EFR3A: variants seen among roughly 807,000 people sequenced by gnomAD.
EFR3A encodes EFR3 homolog A, also known as protein EFR3 homolog A.
Under a neutral mutation model 104.4 loss-of-function variants are expected in EFR3A, and 76 were observed. The observed-to-expected ratio is 0.73, with a 90% CI of 0.60 to 0.88. EFR3A has a LOEUF of 0.88. EFR3A is among the 40% of genes least tolerant of loss of function. EFR3A has a pLI of 0.00. For synonymous variants in EFR3A, 330 were observed against 330.0 expected (o/e 1.00, Z 0.00); for missense variants, 985 against 1,012.5 (o/e 0.97, Z 0.37).
At chr8:131,907,296 CTT>C (rs1816302411) in intron 1 of EFR3A, among the ~76,000 whole-genome samples, 1 of 152,200 alleles carries the variant, frequency 6.6e-6, no homozygotes, top group Admixed American at 6.5e-5. Flanking sequence ...TAGACACAAA[CTT>C]AAACTTTTAG....
At chr8:131,921,925 T>C (rs1817053193) in intron 1 of EFR3A, among the ~76,000 whole-genome samples, 1 of 152,190 alleles carries the variant, frequency 6.6e-6, no homozygotes, top group African/African-American at 2.4e-5. Context: ...ATTAGTTTTC[T>C]AGGGCTACCG....
rs767408900 is a variant in EFR3A, at chr8:132,011,537, G to C, written c.*642G>C. 65 of 632,700 alleles carry C rather than the reference G, an allele frequency of 1.0e-4. No homozygotes were observed. The highest frequency in any genetic ancestry group is 1.2e-4 in the Non-Finnish European group (60 of 507,644). The allele number at this position is 632,700 out of a possible 1,614,324, so 39.2% of individuals were successfully genotyped here. A position where few individuals can be genotyped will look rare whatever the true frequency, so the allele number is the denominator to read the frequency against. On this transcript the variant is annotated 3_prime_UTR_variant, in exon 23 of 23. Transcript: ENST00000254624. ...CCATACTTTAAATTGTCTGGTTCTTGTAATATTGTGTTTCCTGCCAAGAGT... is the reference window on the plus strand; with the variant it reads ...CCATACTTTAAATTGTCTGGTTCTTCTAATATTGTGTTTCCTGCCAAGAGT...
chr8:131,923,820 G>C (rs1817171766), intron 1 of EFR3A, among the ~76,000 whole-genome samples: 1 of 152,072 alleles, frequency 6.6e-6, no homozygotes, highest in African/African-American at 2.4e-5. Context: ...TGTCTCTTCA[G>C]CTTTCAGTAG....
chr8:131,914,755 C>G (rs1018019846), intron 1 of EFR3A, among the ~76,000 whole-genome samples: 1 of 152,092 alleles, frequency 6.6e-6, no homozygotes, highest in Non-Finnish European at 1.5e-5. Flanking sequence ...TTATTGCACC[C>G]AGGTACTAAG....
chr8:131,910,658 A>G (rs772322250), intron 1 of EFR3A, among the ~76,000 whole-genome samples: 30 of 152,196 alleles, frequency 2.0e-4, no homozygotes, highest in Non-Finnish European at 3.7e-4. Context: ...AAAAGGAGAG[A>G]CAGTCCTCTG....
chr8:131,957,900 A>T (rs1819096268), intron 7 of EFR3A, among the ~76,000 whole-genome samples: 1 of 152,168 alleles, frequency 6.6e-6, no homozygotes, highest in African/African-American at 2.4e-5. Flanking sequence ...TTACGGTGAG[A>T]TAAGAGGGAA....
intron 7 of EFR3A, among the ~76,000 whole-genome samples, chr8:131,957,836 A>G (rs1018704424): frequency 2.1e-4 from 32 of 152,252 alleles, no homozygotes; most frequent in African/African-American, 7.7e-4. Flanking sequence ...TTTAATCAAC[A>G]GTGAGCACAA....
intron 6 of EFR3A, 130 bp downstream of exon 6, chr8:131,954,097 A>C: frequency 1.1e-6 from 1 of 936,964 alleles, no homozygotes; most frequent in East Asian, 2.9e-5. Context: ...TGAGTTTAAA[A>C]ATATGTACCT....
chr8:131,908,760 C>G (rs571938268), intron 1 of EFR3A, among the ~76,000 whole-genome samples: 1 of 152,202 alleles, frequency 6.6e-6, no homozygotes, highest in Non-Finnish European at 1.5e-5. Context: ...CAGTTTTACA[C>G]TGTCACTTTT....
Position 131,979,327 on chromosome 8 carries a change from A to T in EFR3A, c.1500-19A>T. On this transcript the variant is annotated intron_variant, in intron 13 of 22. Transcript: ENST00000254624. ...ATAAGTGTGCTATTCATTAAAAATG[A>T]TATATTGATCGTCTCTAGAATAATA... 1 of 1,499,300 alleles carries T rather than the reference A, an allele frequency of 6.7e-7. No individual in the cohort carries two copies. Among genetic ancestry groups the T allele is most frequent in the Non-Finnish European group, 9.1e-7 (1 of 1,103,882 alleles). The allele number at this position is 1,499,300 out of a possible 1,614,324, so 92.9% of individuals were successfully genotyped here.
At chr8:131,992,207 A>G (rs1037254497) in intron 18 of EFR3A, among the ~76,000 whole-genome samples, 10 of 152,200 alleles carry the variant, frequency 6.6e-5, no homozygotes, top group African/African-American at 2.4e-4. Context: ...ATGACCACAT[A>G]CTGCTTTGTG....
chr8:131,941,655 A>G (rs1818177050), intron 2 of EFR3A, among the ~76,000 whole-genome samples: 1 of 152,164 alleles, frequency 6.6e-6, no homozygotes, highest in African/African-American at 2.4e-5. Flanking sequence ...ATCAGTAAGT[A>G]AAATGCTAAG....
At chr8:131,923,988 C>A (rs758168613) in intron 1 of EFR3A, among the ~76,000 whole-genome samples, 9 of 152,026 alleles carry the variant, frequency 5.9e-5, no homozygotes, top group Non-Finnish European at 1.3e-4. Context: ...GCTTGTGCTA[C>A]TTAGTATCAG....
At chr8:131,956,579 C>A (rs1819008736) in intron 7 of EFR3A, among the ~76,000 whole-genome samples, 1 of 152,116 alleles carries the variant, frequency 6.6e-6, no homozygotes, top group African/African-American at 2.4e-5. Flanking sequence ...TAAAATTCAC[C>A]TTGTCCTTTT....
At chr8:131,969,019 C>A (rs1819910306) in intron 9 of EFR3A, among the ~76,000 whole-genome samples, 1 of 152,000 alleles carries the variant, frequency 6.6e-6, no homozygotes, top group Admixed American at 6.5e-5. Context: ...TTTCTGGCAG[C>A]AAAATGTAGG....
At chr8:131,918,962 A>G (rs1022865299) in intron 1 of EFR3A, among the ~76,000 whole-genome samples, 3 of 152,224 alleles carry the variant, frequency 2.0e-5, no homozygotes, top group African/African-American at 7.2e-5. Flanking sequence ...GAAAGATCCT[A>G]GTCATTGCCT....
At chr8:131,938,750 A>G (rs1408323772) in intron 1 of EFR3A, among the ~76,000 whole-genome samples, 1 of 152,114 alleles carries the variant, frequency 6.6e-6, no homozygotes, top group African/African-American at 2.4e-5. Flanking sequence ...CTTTGAAGTC[A>G]TCAGGTCTGG....
intron 1 of EFR3A, among the ~76,000 whole-genome samples, chr8:131,926,019 A>G (rs2130471245): frequency 6.6e-6 from 1 of 152,258 alleles, no homozygotes. Flanking sequence ...TGTCAAGGCT[A>G]AAGCCAGATC....
At chr8:131,987,890 T>G (rs1043502150) in intron 18 of EFR3A, among the ~76,000 whole-genome samples, 188 bp downstream of exon 18, 1 of 152,182 alleles carries the variant, frequency 6.6e-6, no homozygotes, top group African/African-American at 2.4e-5. Context: ...AGTAAATCTC[T>G]AACGACATAG....
Sources: gnomAD v4.1 joint callset for allele counts (sites outside exome capture counted in the v4.1 genomes callset) on GRCh38, gnomAD v4.1.1 for gene constraint, MANE v1.5 for transcripts, NCBI Gene and HGNC (gene_info 2026-07-23, HGNC 2026-07-21) for gene names.